Variants in DMD observed in about 807,000 individuals in gnomAD.
The protein encoded by DMD is mutant dystrophin.
Under a neutral mutation model 330.1 loss-of-function variants are expected in DMD, and 63 were observed. The observed-to-expected ratio is 0.19, with a 90% CI of 0.16 to 0.24. The LOEUF is 0.24. DMD is among the 10% of genes least tolerant of loss of function. The pLI, the probability that DMD is intolerant of heterozygous loss-of-function variation, is 1.00. For missense variants in DMD, 3,344 were observed against 2,684.1 expected, an observed-to-expected ratio of 1.25 and a Z score of -5.43; for synonymous variants, 1,223 against 959.8, an observed-to-expected ratio of 1.27 and a Z score of -5.07.
intron 61 of DMD, among the ~76,000 whole-genome samples, chrX:31,323,998 T>C (rs1018788042): frequency 9.0e-6 from 1 of 111,691 alleles, no homozygotes; most frequent in East Asian, 2.8e-4. Context: ...TACTTCCTGT[T>C]GCTGGTTCTC....
chrX:32,628,631 GC>G (rs1410270772), intron 11 of DMD, among the ~76,000 whole-genome samples: 1 of 109,858 alleles, frequency 9.1e-6, no homozygotes, highest in Admixed American at 9.8e-5. Context: ...AAGTTCTTCT[GC>G]TTTTTTGATG....
At chrX:31,433,785 C>T (rs2064263933) in intron 60 of DMD, among the ~76,000 whole-genome samples, 1 of 111,627 alleles carries the variant, frequency 9.0e-6, no homozygotes, top group African/African-American at 3.3e-5. Flanking sequence ...TTTGGCAAAA[C>T]TATTTAAGTG....
chrX:32,440,743 C>G (rs2098278711), intron 28 of DMD, among the ~76,000 whole-genome samples: 2 of 111,447 alleles, frequency 1.8e-5, no homozygotes, highest in Non-Finnish European at 3.8e-5. Flanking sequence ...TTTAATAACT[C>G]AAAACATTCC....
chrX:33,134,120 A>G (rs775644254), intron 1 of DMD, among the ~76,000 whole-genome samples: 2 of 111,836 alleles, frequency 1.8e-5, no homozygotes, highest in East Asian at 5.6e-4. Context: ...TTACATAAAC[A>G]TGAACATCTG....
At chrX:32,928,681 C>A (rs1252343237) in intron 2 of DMD, among the ~76,000 whole-genome samples, 1 of 111,627 alleles carries the variant, frequency 9.0e-6, no homozygotes, top group South Asian at 3.7e-4. Context: ...ATTGAGAGTT[C>A]TTTCTAAAAT....
At chrX:32,879,102 A>G (rs1158130245) in intron 2 of DMD, among the ~76,000 whole-genome samples, 4 of 111,004 alleles carry the variant, frequency 3.6e-5, no homozygotes, top group Non-Finnish European at 7.5e-5. Flanking sequence ...CATAATATCC[A>G]TGTGTATCAA....
chrX:31,886,717 A>G (rs1486325823), intron 47 of DMD, among the ~76,000 whole-genome samples: 1 of 111,731 alleles, frequency 9.0e-6, no homozygotes, highest in Non-Finnish European at 1.9e-5. Context: ...ATAAAATGAA[A>G]TATCTCTGGG....
intron 7 of DMD, among the ~76,000 whole-genome samples, chrX:32,699,922 T>A (rs1192399833): frequency 1.8e-5 from 2 of 112,165 alleles, no homozygotes; most frequent in South Asian, 3.7e-4. Flanking sequence ...AATATCACTT[T>A]CCTTCTCAGA....
At chrX:31,189,694 A>C (rs776811889) in intron 67 of DMD, among the ~76,000 whole-genome samples, 5 of 112,104 alleles carry the variant, frequency 4.5e-5, no homozygotes, top group Non-Finnish European at 9.4e-5. Flanking sequence ...TCTCTGTTAA[A>C]ATCTGCTGAA....
intron 17 of DMD, among the ~76,000 whole-genome samples, chrX:32,539,317 T>C (rs1054816391): frequency 9.0e-6 from 1 of 110,853 alleles, no homozygotes; most frequent in Non-Finnish European, 1.9e-5. Flanking sequence ...CACCAGTCCT[T>C]ATTTTGCAAC....
intron 55 of DMD, among the ~76,000 whole-genome samples, chrX:31,552,930 G>GGTA (rs1272696071): frequency 2.7e-5 from 3 of 111,530 alleles, no homozygotes; most frequent in Non-Finnish European, 3.8e-5. Context: ...TAGTAGTAGT[G>GGTA]GTAGTAGTAG....
At chrX:31,153,204 T>C in intron 74 of DMD, among the ~76,000 whole-genome samples, 1 of 111,945 alleles carries the variant, frequency 8.9e-6, no homozygotes, top group African/African-American at 3.2e-5. Flanking sequence ...TGATGCTCTC[T>C]TTCCCAACTG....
intron 11 of DMD, among the ~76,000 whole-genome samples, chrX:32,618,527 G>A (rs1710167305): frequency 1.8e-5 from 2 of 111,067 alleles, no homozygotes; most frequent in Non-Finnish European, 3.8e-5. Context: ...GAGGGTGGCA[G>A]AAGGAAAGAA....
chrX:31,339,585 A>C (rs1247888854), intron 61 of DMD, among the ~76,000 whole-genome samples: 1 of 111,400 alleles, frequency 9.0e-6, no homozygotes, highest in Admixed American at 9.5e-5. Context: ...TGATGTTTTT[A>C]TTTTTTTGAG....
At position 31,231,000 on chromosome X, in the gene DMD, C is replaced by A. The variant is rs192731105; in HGVS notation, c.9287-7879G>T. Among the ~76,000 whole-genome samples, 248 of 111,475 alleles carry A rather than the reference C, an allele frequency of 2.2e-3. 1 individual carries two copies. The highest frequency in any genetic ancestry group is 7.5e-3 in the African/African-American group (229 of 30,682). Reference sequence around the variant, plus strand: ...CGATATAAAGTTTTCTGGGGGAGAACTGTGTATCTTAAGTACCATTTCTGG... The same window carrying A: ...CGATATAAAGTTTTCTGGGGGAGAAATGTGTATCTTAAGTACCATTTCTGG... On this transcript the variant is annotated intron_variant, in intron 63 of 78. Coordinates refer to ENST00000357033, the MANE Select transcript of DMD (RefSeq NM_004006.3).
chrX:33,057,643 T>C (rs1296565222), intron 1 of DMD, among the ~76,000 whole-genome samples: 2 of 111,550 alleles, frequency 1.8e-5, no homozygotes, highest in African/African-American at 3.3e-5. Context: ...CTTCATGCTC[T>C]TTCCCAATTC....
At chrX:31,351,725 C>CAAAAAAAAAAAAAAA (rs3061693) in intron 60 of DMD, among the ~76,000 whole-genome samples, 65 of 53,023 alleles carry the variant, frequency 1.2e-3, no homozygotes, top group East Asian at 1.6e-3. Context: ...GACTCCATCT[C>CAAAAAAAAAAAAAAA]AAAAAAAAAA....
At chrX:33,233,381 T>C (rs1047251316) in intron 1 of DMD, among the ~76,000 whole-genome samples, 2 of 111,685 alleles carry the variant, frequency 1.8e-5, no homozygotes, top group Non-Finnish European at 3.8e-5. Context: ...CCCCACACTG[T>C]AAACAACAAT....
intron 62 of DMD, among the ~76,000 whole-genome samples, chrX:31,293,204 A>AGTGT (rs559104990): frequency 0.062 from 3,628 of 58,225 alleles, 151 homozygotes; most frequent in East Asian, 0.14. Context: ...AGTCTGGTTT[A>AGTGT]GTGTGTGTGT....
Sources: allele counts gnomAD v4.1 joint callset (sites outside exome capture counted in the v4.1 genomes callset), GRCh38; gene constraint gnomAD v4.1.1; transcripts MANE v1.5; gene names NCBI Gene and HGNC (gene_info 2026-07-23, HGNC 2026-07-21).